The following SMIM13 variants were observed in gnomAD, a reference collection of about 807,000 sequenced individuals.
The protein encoded by SMIM13 is small integral membrane protein 13.
Under a neutral mutation model 5.9 loss-of-function variants are expected in SMIM13, and 3 were observed. The ratio of observed to expected loss-of-function variants is 0.51; its 90% CI spans 0.23 to 1.31. The LOEUF (loss-of-function observed/expected upper bound fraction) is 1.31, where lower values mean the gene tolerates loss of function less well. Ranked by LOEUF, SMIM13 falls within the 40% of genes most tolerant of loss-of-function variation. SMIM13 has a pLI of 0.18. For missense variants in SMIM13, 85 were observed against 109.9 expected, an observed-to-expected ratio of 0.77 and a Z score of 1.01; for synonymous variants, 55 against 46.0, an observed-to-expected ratio of 1.19 and a Z score of -0.79.
At position 11,138,688 on chromosome 6, in the gene SMIM13, T is replaced by C. The variant is rs1758545361; in HGVS notation, c.*4086T>C. 6.6e-6 allele frequency: 1 copy of C among 152,190 alleles called. No individual in the cohort carries two copies. The highest frequency in any genetic ancestry group is 2.4e-5 in the African/African-American group (1 of 41,452). The allele number at this position is 152,190 out of a possible 1,614,324, so 9.4% of individuals were successfully genotyped here. A position where few individuals can be genotyped will look rare whatever the true frequency, so the allele number is the denominator to read the frequency against. The stretch of plus-strand genomic sequence containing the variant: ...AAGCTTCTGTGGTTTGTATGATGTT[T>C]TAACTTTCACTTTAAACTGCATAGA... On this transcript the variant is annotated 3_prime_UTR_variant, in exon 2 of 2. Transcript: ENST00000416247.
In SMIM13 at chr6:11,134,678, G is replaced by GTTCTTCAGTCATT; in HGVS notation, c.*76_*77insTTCTTCAGTCATT. 1 of 1,076,586 alleles carries GTTCTTCAGTCATT rather than the reference G, an allele frequency of 9.3e-7. No individual in the cohort carries two copies. Among genetic ancestry groups the GTTCTTCAGTCATT allele is most frequent in the Non-Finnish European group, 1.3e-6 (1 of 798,294 alleles). The allele number at this position is 1,076,586 out of a possible 1,614,324, so 66.7% of individuals were successfully genotyped here. A position where few individuals can be genotyped will look rare whatever the true frequency, so the allele number is the denominator to read the frequency against. On this transcript the variant is annotated 3_prime_UTR_variant, in exon 2 of 2. Coordinates refer to ENST00000416247, the MANE Select transcript of SMIM13 (RefSeq NM_001135575.2). ...TGACTTCGCTTTGAAATTTACTAAT[G>GTTCTTCAGTCATT]ACTGAAGAACATTTGTATTGGATTT...
At chr6:11,125,016 G>A (rs780561763) in intron 1 of SMIM13, among the ~76,000 whole-genome samples, 25 of 152,182 alleles carry the variant, frequency 1.6e-4, no homozygotes, top group Admixed American at 1.2e-3. Flanking sequence ...GGTGGCTCAC[G>A]CCTGTAATCC....
chr6:11,104,028 C>G (rs1255872094), intron 1 of SMIM13: 3 of 1,551,608 alleles, frequency 1.9e-6, no homozygotes, highest in Non-Finnish European at 2.6e-6. Flanking sequence ...ACAAATTCCT[C>G]CCTGTGCTGC....
Position 11,138,352 on chromosome 6 carries a change from A to T in SMIM13, c.*3750A>T, listed in dbSNP as rs1035878957. 3 of 152,156 alleles carry T rather than the reference A, an allele frequency of 2.0e-5. No homozygotes were observed. Among genetic ancestry groups the T allele is most frequent in the African/African-American group, 7.2e-5 (3 of 41,428 alleles). The allele number at this position is 152,156 out of a possible 1,614,324, so 9.4% of individuals were successfully genotyped here. On this transcript the variant is annotated 3_prime_UTR_variant, in exon 2 of 2. Transcript: ENST00000416247. ...AAGAGTAACATTTTATCTTATGTCA[A>T]TTAAAGTTACATTTTTCATTTGTTG...
chr6:11,120,141 A>G (rs1000853585), intron 1 of SMIM13, among the ~76,000 whole-genome samples: 8 of 152,220 alleles, frequency 5.3e-5, no homozygotes, highest in Non-Finnish European at 7.3e-5. Flanking sequence ...CATGAAGGTG[A>G]GATTATATAA....
intron 1 of SMIM13, among the ~76,000 whole-genome samples, chr6:11,109,071 A>AT (rs1758132250): frequency 6.6e-6 from 1 of 152,172 alleles, no homozygotes; most frequent in South Asian, 2.1e-4. Context: ...CTGGGGAACT[A>AT]TGGTGGCCCC....
chr6:11,098,424 T>C (rs1257367628), intron 1 of SMIM13, among the ~76,000 whole-genome samples: 1 of 152,212 alleles, frequency 6.6e-6, no homozygotes, highest in Admixed American at 6.5e-5. Flanking sequence ...TAGAAACATT[T>C]AACGTTTCTT....
chr6:11,111,252 G>A (rs576960356), intron 1 of SMIM13, among the ~76,000 whole-genome samples: 1 of 152,334 alleles, frequency 6.6e-6, no homozygotes, highest in African/African-American at 2.4e-5. Flanking sequence ...ACAGAGAAAA[G>A]ACAGACTTAC....
intron 1 of SMIM13, among the ~76,000 whole-genome samples, chr6:11,097,346 A>G (rs1757938687): frequency 6.6e-6 from 1 of 152,026 alleles, no homozygotes; most frequent in African/African-American, 2.4e-5. Context: ...TTTAACCTTA[A>G]TTACCTCTTT....
intron 1 of SMIM13, among the ~76,000 whole-genome samples, chr6:11,097,172 A>G (rs1353848912): frequency 6.6e-6 from 1 of 152,270 alleles, no homozygotes; most frequent in African/African-American, 2.4e-5. Flanking sequence ...TCTGGAAGCT[A>G]AAAGTCAGAG....
At chr6:11,102,885 T>C (rs562674781) in intron 1 of SMIM13, 1 of 152,212 alleles carries the variant, frequency 6.6e-6, no homozygotes, top group Admixed American at 6.5e-5. Context: ...GGAGTAAAAG[T>C]TTTAGAGCAA....
intron 1 of SMIM13, among the ~76,000 whole-genome samples, chr6:11,125,003 C>A (rs971138512): frequency 1.3e-5 from 2 of 152,054 alleles, no homozygotes; most frequent in Non-Finnish European, 1.5e-5. Context: ...CATGGCCGGG[C>A]GTGGTGGCTC....
chr6:11,104,637 G>C, intron 1 of SMIM13: 1 of 1,614,176 alleles, frequency 6.2e-7, no homozygotes, highest in African/African-American at 1.3e-5. Flanking sequence ...AACCCATTCC[G>C]CTGTAGAGCT....
intron 1 of SMIM13, among the ~76,000 whole-genome samples, chr6:11,132,822 A>G (rs1167945317): frequency 6.6e-6 from 1 of 152,156 alleles, no homozygotes; most frequent in African/African-American, 2.4e-5. Flanking sequence ...CTTGGGGTTG[A>G]TGAAAATGTT....
At chr6:11,102,487 C>A (rs1758008212) in intron 1 of SMIM13, 1 of 152,176 alleles carries the variant, frequency 6.6e-6, no homozygotes, top group African/African-American at 2.4e-5. Flanking sequence ...AACTTAGGCA[C>A]ATTAGCATTT....
In SMIM13 at chr6:11,136,507, C is replaced by T. The variant is rs539161638; in HGVS notation, c.*1905C>T. The T allele has an allele frequency of 1.3e-5, 2 of 152,254 alleles. No individual in the cohort carries two copies. Among genetic ancestry groups the T allele is most frequent in the South Asian group, 4.1e-4 (2 of 4,824 alleles). The allele number at this position is 152,254 out of a possible 1,614,324, so 9.4% of individuals were successfully genotyped here. On this transcript the variant is annotated 3_prime_UTR_variant, in exon 2 of 2. Coordinates refer to ENST00000416247, the MANE Select transcript of SMIM13 (RefSeq NM_001135575.2). ...TGGTGTGTTATTATGTTTGATACCT[C>T]ATACTTCTTGCTTAGAGTTTTGTTT...
intron 1 of SMIM13, among the ~76,000 whole-genome samples, chr6:11,097,819 C>A (rs1408227676): frequency 6.6e-6 from 1 of 152,134 alleles, no homozygotes; most frequent in Non-Finnish European, 1.5e-5. Context: ...GCTGTATGCC[C>A]ATAAAACAGT....
At chr6:11,123,975 C>G (rs182005633) in intron 1 of SMIM13, among the ~76,000 whole-genome samples, 94 of 152,272 alleles carry the variant, frequency 6.2e-4, no homozygotes, top group African/African-American at 2.1e-3. Flanking sequence ...GGGGTATTCA[C>G]TACCTCAAGC....
At chr6:11,096,854 G>C (rs1003573975) in intron 1 of SMIM13, among the ~76,000 whole-genome samples, 1 of 151,982 alleles carries the variant, frequency 6.6e-6, no homozygotes, top group African/African-American at 2.4e-5. Flanking sequence ...CATGCGCCTA[G>C]CTGATTTTCT....
Sources: allele counts gnomAD v4.1 joint callset (sites outside exome capture counted in the v4.1 genomes callset), GRCh38; gene constraint gnomAD v4.1.1; transcripts MANE v1.5; gene names NCBI Gene and HGNC (gene_info 2026-07-23, HGNC 2026-07-21).